Variants in MCPH1 observed in about 807,000 individuals in gnomAD.
MCPH1 encodes the protein microcephalin.
A neutral mutation model predicts 84.5 loss-of-function variants in MCPH1; 104 were observed. The observed-to-expected ratio is 1.23, with a 90% CI of 1.05 to 1.45. MCPH1 has a LOEUF of 1.45. Ranked by LOEUF, MCPH1 falls within the 40% of genes most tolerant of loss-of-function variation. The pLI, the probability that MCPH1 is intolerant of heterozygous loss-of-function variation, is 0.00. For synonymous variants in MCPH1, 514 were observed against 366.8 expected, an observed-to-expected ratio of 1.40 and a Z score of -4.58; for missense variants, 1,498 against 1,005.7, an observed-to-expected ratio of 1.49 and a Z score of -6.62.
chr8:6,408,203 C>T (rs1006537032), intron 1 of MCPH1, among the ~76,000 whole-genome samples: 1 of 152,072 alleles, frequency 6.6e-6, no homozygotes, highest in African/African-American at 2.4e-5. Flanking sequence ...TAATAAATTC[C>T]ACTGAAGCTA....
intron 3 of MCPH1, among the ~76,000 whole-genome samples, chr8:6,415,655 A>G (rs1243772211): frequency 6.6e-6 from 1 of 152,056 alleles, no homozygotes; most frequent in Non-Finnish European, 1.5e-5. Flanking sequence ...TGCGCGGCCC[A>G]CACAGTTTTG....
intron 12 of MCPH1, among the ~76,000 whole-genome samples, chr8:6,522,864 C>A (rs1194809946): frequency 1.3e-5 from 2 of 152,110 alleles, no homozygotes; most frequent in African/African-American, 4.8e-5. Flanking sequence ...GAATACAATC[C>A]CAGAACTTTC....
At chr8:6,526,365 T>C (rs1818339157) in intron 12 of MCPH1, among the ~76,000 whole-genome samples, 1 of 150,878 alleles carries the variant, frequency 6.6e-6, no homozygotes, top group Non-Finnish European at 1.5e-5. Context: ...GCCCAGGAGG[T>C]TGAGGATGCA....
intron 12 of MCPH1, among the ~76,000 whole-genome samples, chr8:6,620,410 G>A (rs1241468414): frequency 1.3e-5 from 2 of 152,028 alleles, no homozygotes; most frequent in East Asian, 1.9e-4. Flanking sequence ...TGAGTGATGT[G>A]GGCTGTGGAA....
chr8:6,422,120 C>T (rs1800294765), intron 3 of MCPH1, among the ~76,000 whole-genome samples: 1 of 152,156 alleles, frequency 6.6e-6, no homozygotes, highest in South Asian at 2.1e-4. Flanking sequence ...CTTTATCTGT[C>T]TGTGTATCTA....
chr8:6,502,101 A>T (rs985366345), intron 12 of MCPH1: 2 of 152,184 alleles, frequency 1.3e-5, no homozygotes, highest in Admixed American at 6.5e-5. Flanking sequence ...ATAAAAATAT[A>T]TCTTACTAGG....
At chr8:6,482,057 G>T (rs1045474524) in intron 11 of MCPH1, among the ~76,000 whole-genome samples, 2 of 152,132 alleles carry the variant, frequency 1.3e-5, no homozygotes, top group Non-Finnish European at 2.9e-5. Flanking sequence ...GGTGCTGCTT[G>T]CCCTCACTTA....
At chr8:6,543,941 C>G (rs908550579) in intron 12 of MCPH1, among the ~76,000 whole-genome samples, 7 of 152,162 alleles carry the variant, frequency 4.6e-5, no homozygotes, top group Admixed American at 1.3e-4. Flanking sequence ...TTTAACGGGG[C>G]TATGTTTTGC....
rs555824591 is a variant in MCPH1 at position 6,599,801 on chromosome 8, G to C, written c.2215-21653G>C. The stretch of plus-strand genomic sequence containing the variant: ...AGATTATGTGTATTTTTAAAAATCA[G>C]CTATCAAGATTAAATAAAGCAAGCG... On this transcript the variant is annotated intron_variant, in intron 12 of 13. Transcript: ENST00000344683. 2.6e-5 allele frequency among the ~76,000 whole-genome samples: 4 copies of C among 152,284 alleles called. No individual in the cohort carries two copies. In the South Asian group the frequency reaches 8.3e-4, roughly 32 times the overall value.
intron 3 of MCPH1, among the ~76,000 whole-genome samples, chr8:6,429,294 G>A (rs1364449323): frequency 2.6e-5 from 4 of 152,128 alleles, no homozygotes; most frequent in Admixed American, 1.3e-4. Context: ...TGTGAACATG[G>A]ACCCAGTGCC....
chr8:6,522,834 C>T (rs1371059138), intron 12 of MCPH1, among the ~76,000 whole-genome samples: 1 of 151,824 alleles, frequency 6.6e-6, no homozygotes, highest in Non-Finnish European at 1.5e-5. Context: ...TAAAGTCACA[C>T]ACAGCAGGTG....
intron 3 of MCPH1, among the ~76,000 whole-genome samples, chr8:6,421,365 G>C (rs897313235): frequency 7.2e-5 from 11 of 152,140 alleles, no homozygotes; most frequent in Non-Finnish European, 1.6e-4. Flanking sequence ...CTCTCCTGCC[G>C]GGCTTATGCC....
chr8:6,426,350 C>G lies in MCPH1; in HGVS notation c.234-5149C>G, dbSNP rs569742139. 1.2e-4 allele frequency among the ~76,000 whole-genome samples: 18 copies of G among 152,286 alleles called. 1 individual carries two copies. The South Asian group carries it at 3.5e-3, about 30-fold the overall frequency. The stretch of plus-strand genomic sequence containing the variant: ...GTCCATTTGCTGTCGGCCTCCCTGC[C>G]CCCTCCTCCCACCCCAGGGCAGCCA... On this transcript the variant is annotated intron_variant, in intron 3 of 13. Coordinates refer to ENST00000344683, the MANE Select transcript of MCPH1 (RefSeq NM_024596.5).
chr8:6,609,481 C>G (rs991696567), intron 12 of MCPH1, among the ~76,000 whole-genome samples: 6 of 152,218 alleles, frequency 3.9e-5, no homozygotes, highest in African/African-American at 1.2e-4. Flanking sequence ...TCAAATGATG[C>G]TTTAAAAAAA....
chr8:6,636,417 G>A (rs543068114), intron 13 of MCPH1, among the ~76,000 whole-genome samples: 2 of 151,812 alleles, frequency 1.3e-5, no homozygotes, highest in East Asian at 3.9e-4. Context: ...GGTGAGGGCT[G>A]AGATAGTGAT....
chr8:6,420,824 C>T (rs1800076020), intron 3 of MCPH1, among the ~76,000 whole-genome samples: 1 of 152,138 alleles, frequency 6.6e-6, no homozygotes, highest in Non-Finnish European at 1.5e-5. Flanking sequence ...TATGGGTTTG[C>T]AGCAACTTCA....
intron 12 of MCPH1, among the ~76,000 whole-genome samples, chr8:6,524,808 ATGAAGATCATGGTTTCACTGAAG>A (rs1355516360): frequency 4.6e-5 from 7 of 152,218 alleles, no homozygotes; most frequent in Admixed American, 3.3e-4. Context: ...GGGAATACAT[ATGAAGATCATGGTTTCACTGAAG>A]AGAAAATGGA....
rs887738044 is a variant in MCPH1 at position 6,538,513 on chromosome 8, G to A, written c.2214+38584G>A. On this transcript the variant is annotated intron_variant, in intron 12 of 13. Transcript: ENST00000344683. ...AGACACACACCGCCTCCTGACTGGC[G>A]CCCCTGATCTTGTGGGCCTCAGACC... 1.4e-4 allele frequency among the ~76,000 whole-genome samples: 21 copies of A among 152,202 alleles called. No individual in the cohort carries two copies. In the East Asian group the frequency reaches 3.9e-3, roughly 28 times the overall value.
intron 12 of MCPH1, among the ~76,000 whole-genome samples, chr8:6,581,563 T>G (rs1361599263): frequency 6.6e-6 from 1 of 152,254 alleles, no homozygotes; most frequent in Non-Finnish European, 1.5e-5. Flanking sequence ...TCTTCTGACA[T>G]TTTTACAATA....
Sources: gnomAD v4.1 joint callset for allele counts (sites outside exome capture counted in the v4.1 genomes callset) on GRCh38, gnomAD v4.1.1 for gene constraint, MANE v1.5 for transcripts, NCBI Gene and HGNC (gene_info 2026-07-23, HGNC 2026-07-21) for gene names.